CNTNAP5: variants seen among roughly 807,000 people sequenced by gnomAD.
The protein encoded by CNTNAP5 is contactin-associated protein-like 5.
CNTNAP5 carries 72 observed loss-of-function variants against 150.2 expected under a neutral mutation model. That is an observed-to-expected ratio of 0.48 (90% CI 0.40 to 0.58). The LOEUF (loss-of-function observed/expected upper bound fraction) is 0.58, where lower values mean the gene tolerates loss of function less well. Among genes scored for constraint, CNTNAP5 ranks in the 20% least tolerant of loss-of-function variants. CNTNAP5 has a pLI of 0.00. For synonymous variants in CNTNAP5, 672 were observed against 619.8 expected (o/e 1.08, Z -1.25); for missense variants, 1,636 against 1,626.2 (o/e 1.01, Z -0.10).
chr2:124,440,258 G>T (rs1220707105), intron 5 of CNTNAP5, among the ~76,000 whole-genome samples: 2 of 152,172 alleles, frequency 1.3e-5, no homozygotes, highest in East Asian at 3.9e-4. Context: ...AGTTGATTCT[G>T]ATGATCTGAT....
At chr2:124,585,024 C>T (rs1472712) in intron 11 of CNTNAP5, among the ~76,000 whole-genome samples, 1 of 152,264 alleles carries the variant, frequency 6.6e-6, no homozygotes, top group East Asian at 1.9e-4. Context: ...CAGGCTCTTT[C>T]CCCAGAAGGC....
intron 11 of CNTNAP5, among the ~76,000 whole-genome samples, chr2:124,575,637 C>G (rs1021320533): frequency 8.5e-5 from 13 of 152,198 alleles, no homozygotes; most frequent in Non-Finnish European, 5.9e-5. Context: ...ATGCTCTGCT[C>G]TAGTATCACC....
chr2:124,698,019 G>A (rs569575454), intron 13 of CNTNAP5, among the ~76,000 whole-genome samples: 73 of 152,196 alleles, frequency 4.8e-4, no homozygotes, highest in African/African-American at 1.6e-3. Context: ...GGTGTGAGTG[G>A]TATATGATGG....
At chr2:124,220,315 G>A (rs1459961827) in intron 1 of CNTNAP5, among the ~76,000 whole-genome samples, 3 of 152,136 alleles carry the variant, frequency 2.0e-5, no homozygotes, top group African/African-American at 7.2e-5. Context: ...ACAAAAAATA[G>A]GAAAAGAATA....
chr2:124,095,162 C>T (rs1558753423), intron 1 of CNTNAP5, among the ~76,000 whole-genome samples: 1 of 152,080 alleles, frequency 6.6e-6, no homozygotes, highest in Non-Finnish European at 1.5e-5. Flanking sequence ...TACCATGCAG[C>T]CATGAAAAAG....
At chr2:124,699,918 C>T (rs1679484724) in intron 13 of CNTNAP5, among the ~76,000 whole-genome samples, 1 of 151,778 alleles carries the variant, frequency 6.6e-6, no homozygotes, top group Non-Finnish European at 1.5e-5. Flanking sequence ...TTAGTATATT[C>T]ACAAGGTTGT....
intron 19 of CNTNAP5, among the ~76,000 whole-genome samples, chr2:124,850,445 A>C (rs1683131836): frequency 6.6e-6 from 1 of 152,166 alleles, no homozygotes; most frequent in Non-Finnish European, 1.5e-5. Context: ...GGAGCAATGC[A>C]CACCAAAGAA....
chr2:124,229,652 ATTTGT>A (rs1326008663), intron 2 of CNTNAP5, among the ~76,000 whole-genome samples: 1 of 152,124 alleles, frequency 6.6e-6, no homozygotes, highest in Non-Finnish European at 1.5e-5. Context: ...GTCAAATATG[ATTTGT>A]TTTGTGGCAA....
intron 21 of CNTNAP5, among the ~76,000 whole-genome samples, chr2:124,894,915 T>G (rs916810050): frequency 6.6e-6 from 1 of 151,516 alleles, no homozygotes; most frequent in Non-Finnish European, 1.5e-5. Flanking sequence ...GAATTGGCAT[T>G]AGGAGTATAA....
At chr2:124,580,438 T>C (rs563058803) in intron 11 of CNTNAP5, among the ~76,000 whole-genome samples, 1 of 152,324 alleles carries the variant, frequency 6.6e-6, no homozygotes, top group East Asian at 1.9e-4. Flanking sequence ...ACCAATTTGG[T>C]TGTTTCTGTA....
intron 22 of CNTNAP5, among the ~76,000 whole-genome samples, chr2:124,907,609 C>CTA (rs1678564980): frequency 6.7e-6 from 1 of 148,840 alleles, no homozygotes; most frequent in Non-Finnish European, 1.5e-5. Context: ...AGATCAAGAT[C>CTA]TATATATATG....
intron 3 of CNTNAP5, among the ~76,000 whole-genome samples, chr2:124,393,450 G>T (rs1488848280): frequency 6.6e-6 from 1 of 152,048 alleles, no homozygotes; most frequent in Admixed American, 6.6e-5. Context: ...TAACTGTAAG[G>T]CTTGGAGACA....
chr2:124,558,643 A>C (rs769706780), intron 10 of CNTNAP5, among the ~76,000 whole-genome samples: 4 of 152,200 alleles, frequency 2.6e-5, no homozygotes, highest in Non-Finnish European at 5.9e-5. Flanking sequence ...CAAATTAAAA[A>C]CAAACTGCCA....
intron 1 of CNTNAP5, among the ~76,000 whole-genome samples, chr2:124,106,432 G>C (rs1036409189): frequency 2.6e-5 from 4 of 152,172 alleles, no homozygotes; most frequent in African/African-American, 9.7e-5. Flanking sequence ...AGAGGAAAGA[G>C]GGTAGAGATT....
chr2:124,849,068 CTAA>C (rs1324978863), intron 19 of CNTNAP5, among the ~76,000 whole-genome samples: 1 of 152,084 alleles, frequency 6.6e-6, no homozygotes, highest in Non-Finnish European at 1.5e-5. Context: ...ATTGCCAAGA[CTAA>C]TATTAAGGAG....
At chr2:124,472,392 G>T (rs1693538413) in intron 6 of CNTNAP5, among the ~76,000 whole-genome samples, 1 of 151,788 alleles carries the variant, frequency 6.6e-6, no homozygotes, top group Non-Finnish European at 1.5e-5. Context: ...TTTTTGTTTT[G>T]TTTCGTGATG....
intron 13 of CNTNAP5, among the ~76,000 whole-genome samples, chr2:124,733,957 C>A (rs1286388916): frequency 6.6e-6 from 1 of 151,936 alleles, no homozygotes; most frequent in Non-Finnish European, 1.5e-5. Flanking sequence ...AACTTCTCAA[C>A]CTAAGGCTGC....
intron 3 of CNTNAP5, among the ~76,000 whole-genome samples, chr2:124,335,306 TCAGA>T (rs1367051708): frequency 2.6e-5 from 4 of 151,944 alleles, no homozygotes; most frequent in African/African-American, 4.8e-5. Context: ...CTTTGTACAT[TCAGA>T]CAAAGAGAGT....
At chr2:124,617,866 G>T (rs187549208) in intron 12 of CNTNAP5, among the ~76,000 whole-genome samples, 1 of 152,246 alleles carries the variant, frequency 6.6e-6, no homozygotes, top group East Asian at 1.9e-4. Context: ...TGTGCAGTGG[G>T]AAGGCTACTG....
Sources: allele counts gnomAD v4.1 joint callset (sites outside exome capture counted in the v4.1 genomes callset), GRCh38; gene constraint gnomAD v4.1.1; transcripts MANE v1.5; gene names NCBI Gene and HGNC (gene_info 2026-07-23, HGNC 2026-07-21).